AGR3: variants seen among roughly 807,000 people sequenced by gnomAD.
The protein encoded by AGR3 is anterior gradient 3, protein disulphide isomerase family member, also known as anterior gradient protein 3.
In AGR3, 37 loss-of-function variants were observed where a neutral mutation model predicts 24.5. The observed-to-expected ratio is 1.51, with a 90% CI of 1.16 to 1.99. The LOEUF (loss-of-function observed/expected upper bound fraction) is 1.99. Among genes scored for constraint, AGR3 ranks in the 30% most tolerant of loss-of-function variants. The probability of loss-of-function intolerance (pLI) is 0.00; values close to 1 mark genes in which losing one functional copy is unlikely to be tolerated. For missense variants in AGR3, 228 were observed against 191.1 expected (o/e 1.19, Z -1.14); for synonymous variants, 75 against 61.6 (o/e 1.22, Z -1.02).
chr7:16,865,094 GT>G, intron 3 of AGR3: 2 of 751,302 alleles, frequency 2.7e-6, no homozygotes, highest in African/African-American at 3.5e-5. Flanking sequence ...CTCTTTTACT[GT>G]ATAAAATTTT....
At chr7:16,855,686 C>G (rs1781548608), downstream of AGR3, among the ~76,000 whole-genome samples, 1 of 152,132 alleles carries the variant, frequency 6.6e-6, no homozygotes, top group Non-Finnish European at 1.5e-5. Context: ...GAAAAGAATG[C>G]TTATCTTTCT....
chr7:16,860,518 G>C lies in AGR3; in HGVS notation c.433C>G (p.Pro145Ala), dbSNP rs767853384. Residue 145 changes from proline (P) to alanine (A), a missense_variant, in exon 7 of 8, where the codon CCT becomes GCT. By Grantham distance (27) the Pro-to-Ala change is conservative (BLOSUM62 -1). Transcript: ENST00000310398. ...RYSNRLYTYE[P>A]RDLPLLIENM... ...TACTTACATAGGGGTAAATCCCGAG[G>C]CTCATATGTGTACAATCTGTTAGAG... is the stretch of plus-strand genomic sequence containing the variant. 5 of 1,612,936 alleles carry C rather than the reference G, an allele frequency of 3.1e-6. No individual in the cohort carries two copies. In the Admixed American group the frequency reaches 8.3e-5, roughly 27 times the overall value.
chr7:16,876,947 C>G (rs1176218045), intron 2 of AGR3, among the ~76,000 whole-genome samples: 1 of 152,058 alleles, frequency 6.6e-6, no homozygotes, highest in African/African-American at 2.4e-5. Flanking sequence ...CACTTTAGGG[C>G]TACTGAGCTC....
intron 2 of AGR3, among the ~76,000 whole-genome samples, chr7:16,874,611 A>C (rs914701478): frequency 6.6e-6 from 1 of 152,134 alleles, no homozygotes; most frequent in Non-Finnish European, 1.5e-5. Flanking sequence ...TTAATGTGAA[A>C]ATTAGCAATA....
chr7:16,863,873 G>A (rs6461281), intron 3 of AGR3, among the ~76,000 whole-genome samples: 144,971 of 152,040 alleles, frequency 0.95, 69,327 homozygotes, highest in Non-Finnish European at 1. Context: ...TTTAAGGCAC[G>A]CAGTTTCTTT....
chr7:16,860,966 G>A lies in AGR3; in HGVS notation c.368-383C>T, dbSNP rs997145823. 1.1e-4 allele frequency among the ~76,000 whole-genome samples: 16 copies of A among 151,836 alleles called. No homozygotes were observed. The East Asian group carries it at 1.7e-3, about 17-fold the overall frequency. On this transcript the variant is annotated intron_variant, in intron 6 of 7. Coordinates refer to ENST00000310398, the MANE Select transcript of AGR3 (RefSeq NM_176813.5). ...TGGCCTCTGGCTACATCCATAAAAC[G>A]TTCTTAAAATCATTTTTGTTTCTTA... is the stretch of plus-strand genomic sequence containing the variant.
In AGR3 at chr7:16,879,728, C is replaced by T. The variant is rs1285216107; in HGVS notation, c.-27-1083G>A. Among the ~76,000 whole-genome samples, 8 of 152,052 alleles carry T rather than the reference C, an allele frequency of 5.3e-5. No homozygotes were observed. The East Asian group carries it at 1.5e-3, about 29-fold the overall frequency. On this transcript the variant is annotated intron_variant, in intron 1 of 7. Coordinates refer to ENST00000310398, the MANE Select transcript of AGR3 (RefSeq NM_176813.5). The stretch of plus-strand genomic sequence containing the variant: ...TGATTCTGTTCAAACAAAGATGTTG[C>T]TATATTTTATTGTAGTAGGCATTGT...
At chr7:16,869,689 T>A (rs1781829083) in intron 3 of AGR3, among the ~76,000 whole-genome samples, 1 of 151,480 alleles carries the variant, frequency 6.6e-6, no homozygotes, top group African/African-American at 2.4e-5. Context: ...TTTTTTTTTT[T>A]TTTTTGCAGG....
At chr7:16,881,875 A>G (rs1400183985) in intron 1 of AGR3, 69 bp downstream of exon 1, 2 of 469,074 alleles carry the variant, frequency 4.3e-6, no homozygotes, top group African/African-American at 4.0e-5. Flanking sequence ...TTAAATAGCA[A>G]AAGGTGATTA....
At chr7:16,880,920 T>C (rs904590490) in intron 1 of AGR3, among the ~76,000 whole-genome samples, 9 of 152,072 alleles carry the variant, frequency 5.9e-5, no homozygotes, top group African/African-American at 2.2e-4. Context: ...CCAGCAGGCT[T>C]CTAGAAGGCC....
intron 1 of AGR3, 110 bp downstream of exon 1, chr7:16,881,834 A>T (rs1383092203): frequency 4.9e-6 from 2 of 405,494 alleles, no homozygotes; most frequent in Middle Eastern, 3.6e-4. Flanking sequence ...AATTCATTTC[A>T]CTTTCCTACC....
intron 3 of AGR3, chr7:16,864,789 T>A: frequency 1.0e-6 from 1 of 992,790 alleles, no homozygotes; most frequent in Non-Finnish European, 1.6e-6. Flanking sequence ...ATCCTCCGGC[T>A]TTGTTGGAAT....
intron 3 of AGR3, chr7:16,865,516 T>C (rs111908065): frequency 3.8e-5 from 27 of 703,478 alleles, no homozygotes; most frequent in South Asian, 1.3e-4. Flanking sequence ...TGATTATTTT[T>C]ACCACTGAGA....
At chr7:16,866,731 G>A (rs113739555) in intron 3 of AGR3, among the ~76,000 whole-genome samples, 7 of 152,140 alleles carry the variant, frequency 4.6e-5, no homozygotes, top group African/African-American at 1.2e-4. Context: ...TTATTTTTCT[G>A]TTCTGTGAAC....
At chr7:16,859,138 C>T (rs929710968), downstream of AGR3, among the ~76,000 whole-genome samples, 4 of 151,648 alleles carry the variant, frequency 2.6e-5, no homozygotes, top group African/African-American at 7.3e-5. Flanking sequence ...TGGCTCAGGC[C>T]TATAATCTCA....
chr7:16,864,015 C>G (rs149422530), intron 3 of AGR3, among the ~76,000 whole-genome samples: 2 of 152,302 alleles, frequency 1.3e-5, no homozygotes, highest in African/African-American at 2.4e-5. Flanking sequence ...TACACACTGA[C>G]CTCTCCTTAA....
intron 3 of AGR3, among the ~76,000 whole-genome samples, chr7:16,868,860 T>C (rs561661916): frequency 6.6e-6 from 1 of 152,312 alleles, no homozygotes; most frequent in South Asian, 2.1e-4. Context: ...GAATAGTATT[T>C]TATTGTGTAC....
chr7:16,879,940 C>T (rs533818454), intron 1 of AGR3, among the ~76,000 whole-genome samples: 1 of 152,126 alleles, frequency 6.6e-6, no homozygotes, highest in African/African-American at 2.4e-5. Flanking sequence ...TACTGTTTTC[C>T]CCTTCCCAGT....
chr7:16,881,326 G>T (rs1048391997), intron 1 of AGR3, among the ~76,000 whole-genome samples: 3 of 152,104 alleles, frequency 2.0e-5, no homozygotes, highest in African/African-American at 7.2e-5. Context: ...TTATAAAATA[G>T]ATATTAAATA....
Sources: gnomAD v4.1 joint callset for allele counts (sites outside exome capture counted in the v4.1 genomes callset) on GRCh38, gnomAD v4.1.1 for gene constraint, MANE v1.5 for transcripts, NCBI Gene and HGNC (gene_info 2026-07-23, HGNC 2026-07-21) for gene names.